TMEM165: variants seen among roughly 807,000 people sequenced by gnomAD.
The protein encoded by TMEM165 is transmembrane protein 165.
In TMEM165, 19 loss-of-function variants were observed where a neutral mutation model predicts 30.0. The ratio of observed to expected loss-of-function variants is 0.63; its 90% CI spans 0.44 to 0.93. The LOEUF is 0.93. Ranked by LOEUF, TMEM165 falls within the 40% of genes least tolerant of loss-of-function variation. The pLI, the probability that TMEM165 is intolerant of heterozygous loss-of-function variation, is 0.00. For missense variants in TMEM165, 340 were observed against 417.0 expected (o/e 0.82, Z 1.61); for synonymous variants, 168 against 162.9 (o/e 1.03, Z -0.24).
rs144919146 is a variant in TMEM165, at chr4:55,424,330, A to G, written c.793-208A>G. ...TTTACAAATTGATTTGGGTTATTTC[A>G]ACTTTTAGGTCTAGTCTTAAGTATA... On this transcript the variant is annotated intron_variant, in intron 4 of 5. Coordinates refer to ENST00000381334, the MANE Select transcript of TMEM165 (RefSeq NM_018475.5). 6.0e-6 allele frequency: 3 copies of G among 502,642 alleles called. No individual in the cohort carries two copies. In the East Asian group the frequency reaches 1.0e-4, roughly 17 times the overall value. 31.1% of individuals were successfully genotyped at this position (502,642 alleles called of 1,614,324 possible). A position where few individuals can be genotyped will look rare whatever the true frequency, so the allele number is the denominator to read the frequency against.
chr4:55,414,864 G>A (rs1223694823), intron 2 of TMEM165, among the ~76,000 whole-genome samples: 1 of 152,080 alleles, frequency 6.6e-6, no homozygotes, highest in African/African-American at 2.4e-5. Flanking sequence ...AGGCATTCCT[G>A]ACTAGAAAAC....
chr4:55,399,904 C>A (rs1233905578), intron 1 of TMEM165, among the ~76,000 whole-genome samples: 1 of 150,416 alleles, frequency 6.6e-6, no homozygotes, highest in Non-Finnish European at 1.5e-5. Flanking sequence ...ATGATTTTTC[C>A]GTTTAATATT....
At chr4:55,410,268 C>A (rs1473965379) in intron 1 of TMEM165, among the ~76,000 whole-genome samples, 2 of 152,150 alleles carry the variant, frequency 1.3e-5, no homozygotes, top group African/African-American at 4.8e-5. Context: ...GTATATAGAA[C>A]TTTGGGGAAG....
intron 3 of TMEM165, chr4:55,452,202 G>A (rs910031913): frequency 6.6e-6 from 1 of 152,100 alleles, no homozygotes; most frequent in South Asian, 2.1e-4. Context: ...TCAATCCTGT[G>A]ATTAGGTTAC....
chr4:55,402,912 C>T (rs530992687), intron 1 of TMEM165, among the ~76,000 whole-genome samples: 2 of 148,104 alleles, frequency 1.4e-5, no homozygotes, highest in South Asian at 4.3e-4. Flanking sequence ...CTGCGTCAGC[C>T]TCCCAAGTAG....
chr4:55,427,053 T>TGAGAGA (rs1553887609), downstream of TMEM165, among the ~76,000 whole-genome samples: 1 of 143,920 alleles, frequency 6.9e-6, no homozygotes, highest in Non-Finnish European at 1.5e-5. Flanking sequence ...TTTTTTTTTT[T>TGAGAGA]GAGAGAGTCT....
At chr4:55,427,364 A>AATC (rs764570789), downstream of TMEM165, among the ~76,000 whole-genome samples, 78 of 150,698 alleles carry the variant, frequency 5.2e-4, no homozygotes, top group Non-Finnish European at 1.1e-3. Context: ...GTTTGGAGAC[A>AATC]ATCTATCTCA....
intron 3 of TMEM165, among the ~76,000 whole-genome samples, chr4:55,444,356 T>C (rs1723613426): frequency 1.3e-5 from 2 of 152,154 alleles, no homozygotes; most frequent in South Asian, 4.1e-4. Flanking sequence ...TTATGTAAAA[T>C]ATAATTTTTA....
intron 3 of TMEM165, chr4:55,432,329 C>A (rs1178541674): frequency 6.6e-6 from 1 of 152,054 alleles, no homozygotes; most frequent in Admixed American, 6.6e-5. Flanking sequence ...AATACTGACT[C>A]TCCCAAAACT....
chr4:55,433,586 T>C (rs894445098), intron 3 of TMEM165: 3 of 152,192 alleles, frequency 2.0e-5, no homozygotes, highest in African/African-American at 7.2e-5. Context: ...TGTTACACAT[T>C]TTCTTTTGAG....
intron 3 of TMEM165, chr4:55,444,884 G>A: frequency 1.6e-6 from 2 of 1,229,690 alleles, no homozygotes; most frequent in Non-Finnish European, 2.3e-6. Context: ...ATGAGTGAAG[G>A]ATGATAACAT....
chr4:55,414,730 T>A (rs184350731), intron 2 of TMEM165, among the ~76,000 whole-genome samples: 22 of 152,354 alleles, frequency 1.4e-4, no homozygotes, highest in Admixed American at 5.2e-4. Context: ...AGCCTTTTTT[T>A]AAAATGTTTT....
chr4:55,401,345 A>G (rs747628921), intron 1 of TMEM165, among the ~76,000 whole-genome samples: 1 of 150,756 alleles, frequency 6.6e-6, no homozygotes, highest in African/African-American at 2.5e-5. Context: ...GACTTACTCA[A>G]TAGTTTTTTC....
chr4:55,411,599 A>ATT lies in TMEM165; in HGVS notation c.208-6_208-5dup. The ATT allele has an allele frequency of 4.1e-6, 6 of 1,479,432 alleles. No homozygotes were observed. Among genetic ancestry groups the ATT allele is most frequent in the African/African-American group, 1.4e-5 (1 of 71,004 alleles). 91.6% of individuals were successfully genotyped at this position (1,479,432 alleles called of 1,614,324 possible). The stretch of plus-strand genomic sequence containing the variant: ...GAATAATGATTTTAAGAAGTAACTG[A>ATT]TTTTTTTTTTCCAGAAAATATTTAC... On this transcript the variant is annotated splice_polypyrimidine_tract_variant and intron_variant, in intron 1 of 5. Coordinates refer to ENST00000381334, the MANE Select transcript of TMEM165 (RefSeq NM_018475.5).
Position 55,411,701 on chromosome 4 carries a change from G to C in TMEM165, c.295G>C (p.Ala99Pro), listed in dbSNP as rs986717132. Residue 99 changes from alanine to proline, a missense_variant, in exon 2 of 6, where the codon GCT becomes CCT. This residue lies in a region of TMEM165 where 220 missense variants were observed against 307.6 expected (regional missense o/e 0.72). Transcript: ENST00000381334. The stretch of plus-strand genomic sequence containing the variant: ...TTTGGGATTTATCCATGCATTTGTC[G>C]CTGCCATATCAGTTATTATTGTATC... The part of the protein sequence containing the change: ...TNLGFIHAFV[A>P]AISVIIVSEL... 6.2e-7 allele frequency: 1 copy of C among 1,613,942 alleles called. No homozygotes were observed. The highest frequency in any genetic ancestry group is 8.5e-7 in the Non-Finnish European group (1 of 1,179,996).
At chr4:55,452,950 G>A in exon 4 of TMEM165, 4 of 802,906 alleles carry the variant, frequency 5.0e-6, no homozygotes, top group Non-Finnish European at 8.1e-6. Context: ...TTATAAGTGA[G>A]GAAATAAAGT....
chr4:55,422,435 T>C (rs1722019780), intron 4 of TMEM165, among the ~76,000 whole-genome samples: 1 of 152,078 alleles, frequency 6.6e-6, no homozygotes, highest in African/African-American at 2.4e-5. Flanking sequence ...TTTTTGTATT[T>C]TTAGTAAAGA....
rs373839813 is a variant in TMEM165 at position 55,416,311 on chromosome 4, G to C, written c.434-761G>C. ...CCACCGTGGCCTCCCAGAGTGCTGGGATTATGCCACTTTGCCCAGCCAAAT... is the reference window on the plus strand; with the variant it reads ...CCACCGTGGCCTCCCAGAGTGCTGGCATTATGCCACTTTGCCCAGCCAAAT... On this transcript the variant is annotated intron_variant, in intron 2 of 5. Transcript: ENST00000381334. Among the ~76,000 whole-genome samples the C allele has an allele frequency of 2.0e-5, 3 of 152,256 alleles. No homozygotes were observed. The South Asian group carries it at 6.2e-4, about 32-fold the overall frequency.
chr4:55,446,101 CTT>C (rs766235766), intron 3 of TMEM165, among the ~76,000 whole-genome samples: 27,529 of 106,082 alleles, frequency 0.26, 2,238 homozygotes, highest in South Asian at 0.4. Context: ...AATTTAACTT[CTT>C]TTTTTTTTTT....
Sources: gnomAD v4.1 joint callset for allele counts (sites outside exome capture counted in the v4.1 genomes callset) on GRCh38, gnomAD v4.1.1 for gene constraint, gnomAD v4.1.1 regional missense constraint, MANE v1.5 for transcripts, NCBI Gene and HGNC (gene_info 2026-07-23, HGNC 2026-07-21) for gene names.